ZC3H12B: variants seen among roughly 807,000 people sequenced by gnomAD.
The protein encoded by ZC3H12B is zinc finger CCCH-type containing 12B.
Under a neutral mutation model 43.9 loss-of-function variants are expected in ZC3H12B, and 7 were observed. The ratio of observed to expected loss-of-function variants is 0.16; its 90% CI spans 0.09 to 0.30. The LOEUF is 0.30. Ranked by LOEUF, ZC3H12B falls within the 10% of genes least tolerant of loss-of-function variation. The pLI, the probability that ZC3H12B is intolerant of heterozygous loss-of-function variation, is 1.00. For missense variants in ZC3H12B, 475 were observed against 670.2 expected (o/e 0.71, Z 3.22); for synonymous variants, 222 against 241.7 (o/e 0.92, Z 0.76).
At chrX:65,440,086 A>G (rs891556147) in intron 3 of ZC3H12B, among the ~76,000 whole-genome samples, 4 of 112,152 alleles carry the variant, frequency 3.6e-5, no homozygotes, top group African/African-American at 1.3e-4. Context: ...GCTGTCCTGT[A>G]ATCCCTATCT....
the ZC3H12B span, among the ~76,000 whole-genome samples, chrX:65,143,729 A>AT: frequency 0.02 from 2,028 of 101,981 alleles, 35 homozygotes; most frequent in Middle Eastern, 0.03. Flanking sequence ...TGCCCAGCTA[A>AT]TTTTTTTTTT....
the ZC3H12B span, among the ~76,000 whole-genome samples, chrX:65,359,979 C>G: frequency 6.4e-4 from 72 of 111,943 alleles, no homozygotes; most frequent in African/African-American, 2.2e-3. Context: ...GGCGCCACCA[C>G]CCTGATCATT....
chrX:65,095,612 C>G, the ZC3H12B span, among the ~76,000 whole-genome samples: 1 of 111,782 alleles, frequency 8.9e-6, no homozygotes, highest in East Asian at 2.8e-4. Flanking sequence ...CTGTGTGCTT[C>G]TAGCAGTGGG....
At chrX:65,262,766 A>G in the ZC3H12B span, among the ~76,000 whole-genome samples, 6 of 110,773 alleles carry the variant, frequency 5.4e-5, no homozygotes, top group Non-Finnish European at 9.5e-5. Context: ...CCCTCATCAA[A>G]CAGTCTATTG....
chrX:65,373,055 G>T (rs769852871), intron 2 of ZC3H12B, among the ~76,000 whole-genome samples: 32 of 111,815 alleles, frequency 2.9e-4, no homozygotes, highest in East Asian at 1.7e-3. Context: ...AGAGAAAAAG[G>T]AAGAAAGAAT....
At chrX:65,422,333 A>C (rs988369093) in intron 3 of ZC3H12B, among the ~76,000 whole-genome samples, 8 of 111,629 alleles carry the variant, frequency 7.2e-5, no homozygotes, top group Admixed American at 9.5e-5. Context: ...CAAGAGGGGA[A>C]TATTTCCATC....
chrX:65,231,609 T>C, the ZC3H12B span, among the ~76,000 whole-genome samples: 2 of 111,317 alleles, frequency 1.8e-5, no homozygotes, highest in Non-Finnish European at 3.8e-5. Context: ...TTAATATTCC[T>C]TGCTGGGAAA....
At chrX:65,378,371 A>G (rs1418961861) in intron 2 of ZC3H12B, among the ~76,000 whole-genome samples, 1 of 111,752 alleles carries the variant, frequency 8.9e-6, no homozygotes, top group Non-Finnish European at 1.9e-5. Flanking sequence ...TTGTTTAGAT[A>G]AAGAGTGTTA....
At chrX:65,150,537 G>C in the ZC3H12B span, among the ~76,000 whole-genome samples, 1 of 109,347 alleles carries the variant, frequency 9.1e-6, no homozygotes, top group South Asian at 4.0e-4. Flanking sequence ...CCCTCCTTGT[G>C]TCCATGTATT....
At chrX:65,296,108 T>C in the ZC3H12B span, among the ~76,000 whole-genome samples, 3 of 112,126 alleles carry the variant, frequency 2.7e-5, no homozygotes, top group Non-Finnish European at 3.8e-5. Context: ...GGGAGCCAAC[T>C]CTATTGCCCA....
chrX:65,132,112 G>A, the ZC3H12B span, among the ~76,000 whole-genome samples: 1 of 110,979 alleles, frequency 9.0e-6, no homozygotes, highest in South Asian at 3.8e-4. Context: ...GGGTGTAGGG[G>A]AATAGTGAAA....
At chrX:65,084,211 G>T in the ZC3H12B span, among the ~76,000 whole-genome samples, 1 of 111,654 alleles carries the variant, frequency 9.0e-6, no homozygotes, top group Non-Finnish European at 1.9e-5. Flanking sequence ...AAGATTTTTT[G>T]AGCAGTACTC....
chrX:65,504,791 G>A (rs1237858721), exon 5 of ZC3H12B: 1 of 112,711 alleles, frequency 8.9e-6, no homozygotes, highest in Non-Finnish European at 1.9e-5. Context: ...TTCTCTTCCT[G>A]TCCACCCTTT....
chrX:65,154,674 C>A, the ZC3H12B span, among the ~76,000 whole-genome samples: 1 of 111,037 alleles, frequency 9.0e-6, no homozygotes, highest in African/African-American at 3.3e-5. Context: ...TGATGTGAGA[C>A]CCCCATCTCT....
At chrX:65,476,163 A>G (rs2067988851) in intron 3 of ZC3H12B, among the ~76,000 whole-genome samples, 2 of 111,832 alleles carry the variant, frequency 1.8e-5, no homozygotes, top group African/African-American at 6.5e-5. Flanking sequence ...CTAGATTTGG[A>G]AAGTCTTCTT....
intron 3 of ZC3H12B, among the ~76,000 whole-genome samples, chrX:65,468,381 A>G (rs1191857468): frequency 9.0e-6 from 1 of 111,306 alleles, no homozygotes; most frequent in East Asian, 2.8e-4. Context: ...TTGAAGTCAG[A>G]TAATGTGATG....
At chrX:65,343,742 G>A in the ZC3H12B span, among the ~76,000 whole-genome samples, 2 of 112,128 alleles carry the variant, frequency 1.8e-5, no homozygotes, top group East Asian at 2.8e-4. Context: ...AAAGCTGGAA[G>A]CATTCCCCTT....
At chrX:65,458,085 T>TAAAAAAAAAAAAAAAGA (rs2067660525) in intron 3 of ZC3H12B, among the ~76,000 whole-genome samples, 1 of 49,083 alleles carries the variant, frequency 2.0e-5, no homozygotes, top group Non-Finnish European at 3.8e-5. Context: ...AAAAAAAAAT[T>TAAAAAAAAAAAAAAAGA]AAAAAAAAAA....
chrX:65,481,058 T>C (rs191816708), intron 3 of ZC3H12B, among the ~76,000 whole-genome samples: 1 of 110,652 alleles, frequency 9.0e-6, no homozygotes, highest in East Asian at 2.9e-4. Flanking sequence ...GTGGGTGAAC[T>C]AGAGGGGAGA....
Sources: gnomAD v4.1 joint callset for allele counts (sites outside exome capture counted in the v4.1 genomes callset) on GRCh38, gnomAD v4.1.1 for gene constraint, MANE v1.5 for transcripts, NCBI Gene and HGNC (gene_info 2026-07-23, HGNC 2026-07-21) for gene names.